PLCB1: variants seen among roughly 807,000 people sequenced by gnomAD.
PLCB1 encodes 1-phosphatidylinositol 4,5-bisphosphate phosphodiesterase beta-1.
In PLCB1, 46 loss-of-function variants were observed where a neutral mutation model predicts 161.8. The observed-to-expected ratio is 0.28, with a 90% confidence interval of 0.22 to 0.36. The LOEUF is 0.36. Among genes scored for constraint, PLCB1 ranks in the 10% least tolerant of loss-of-function variants. The pLI, the probability that PLCB1 is intolerant of heterozygous loss-of-function variation, is 1.00. For missense variants in PLCB1, 1,016 were observed against 1,472.5 expected (o/e 0.69, Z 5.07); for synonymous variants, 517 against 503.7 (o/e 1.03, Z -0.35).
chr20:8,779,371 A>T (rs1380906834), intron 27 of PLCB1, among the ~76,000 whole-genome samples: 1 of 152,134 alleles, frequency 6.6e-6, no homozygotes, highest in African/African-American at 2.4e-5. Context: ...GAAAAAATGG[A>T]TATGAAAGCA....
intron 27 of PLCB1, among the ~76,000 whole-genome samples, chr20:8,775,794 G>T (rs905995975): frequency 1.3e-5 from 2 of 152,116 alleles, no homozygotes; most frequent in Non-Finnish European, 2.9e-5. Flanking sequence ...CAGATCTCTC[G>T]TAGGGCTGGT....
At chr20:8,763,942 A>T (rs1982177200) in intron 25 of PLCB1, among the ~76,000 whole-genome samples, 1 of 152,030 alleles carries the variant, frequency 6.6e-6, no homozygotes, top group Non-Finnish European at 1.5e-5. Flanking sequence ...AGGAGGGCAG[A>T]TCACTTGAGG....
intron 9 of PLCB1, among the ~76,000 whole-genome samples, chr20:8,667,691 T>G (rs1989847082): frequency 6.6e-6 from 1 of 152,158 alleles, no homozygotes; most frequent in Non-Finnish European, 1.5e-5. Flanking sequence ...AGGAAAAATA[T>G]AAACAGTAAA....
chr20:8,471,739 A>G (rs1170998734), intron 3 of PLCB1, among the ~76,000 whole-genome samples: 1 of 152,150 alleles, frequency 6.6e-6, no homozygotes, highest in Non-Finnish European at 1.5e-5. Flanking sequence ...TAAATTTAAT[A>G]CATGCTGCTC....
chr20:8,447,699 T>C (rs1175039743), intron 3 of PLCB1, among the ~76,000 whole-genome samples: 1 of 152,196 alleles, frequency 6.6e-6, no homozygotes, highest in Non-Finnish European at 1.5e-5. Context: ...CCTAGAGCTG[T>C]CCAACAAGGA....
At chr20:8,596,004 C>A (rs1987333315) in intron 3 of PLCB1, among the ~76,000 whole-genome samples, 1 of 119,706 alleles carries the variant, frequency 8.4e-6, no homozygotes, top group Non-Finnish European at 1.9e-5. Flanking sequence ...GATATTAGCC[C>A]TGTGTCAGAT....
chr20:8,585,179 A>G (rs1199449072), intron 3 of PLCB1, among the ~76,000 whole-genome samples: 2 of 152,200 alleles, frequency 1.3e-5, no homozygotes, highest in East Asian at 1.9e-4. Context: ...TCTCAGTATT[A>G]TAGCTCTAGG....
chr20:8,498,302 G>T (rs866964800), intron 3 of PLCB1, among the ~76,000 whole-genome samples: 1 of 151,684 alleles, frequency 6.6e-6, no homozygotes, highest in Non-Finnish European at 1.5e-5. Context: ...TCACCATGTT[G>T]GCCAAGATGG....
intron 2 of PLCB1, among the ~76,000 whole-genome samples, chr20:8,150,768 C>G (rs1310257082): frequency 6.6e-6 from 1 of 152,146 alleles, no homozygotes; most frequent in Non-Finnish European, 1.5e-5. Flanking sequence ...TTTTCTTTCT[C>G]TCTCTTTTCC....
At chr20:8,215,900 A>G (rs1424654564) in intron 2 of PLCB1, among the ~76,000 whole-genome samples, 1 of 152,040 alleles carries the variant, frequency 6.6e-6, no homozygotes, top group Non-Finnish European at 1.5e-5. Context: ...CAGTACACAC[A>G]TCGTAAGAGA....
At chr20:8,276,926 T>TTTCTTCTTCCTCTTCTTCTTCTTC (rs1474129969) in intron 2 of PLCB1, among the ~76,000 whole-genome samples, 1 of 104,830 alleles carries the variant, frequency 9.5e-6, no homozygotes, top group African/African-American at 3.6e-5. Context: ...GTCTTCTTCT[T>TTTCTTCTTCCTCTTCTTCTTCTTC]TTCTTCTTCT....
intron 2 of PLCB1, among the ~76,000 whole-genome samples, chr20:8,278,222 G>C (rs1982672671): frequency 1.1e-5 from 1 of 87,720 alleles, no homozygotes; most frequent in Non-Finnish European, 2.2e-5. Context: ...AAATGTGTAT[G>C]ATACTGTTTT....
At chr20:8,291,966 A>G (rs1983403192) in intron 2 of PLCB1, among the ~76,000 whole-genome samples, 1 of 152,134 alleles carries the variant, frequency 6.6e-6, no homozygotes, top group South Asian at 2.1e-4. Context: ...TATCTGTGCT[A>G]TCTCTGGAAT....
intron 3 of PLCB1, among the ~76,000 whole-genome samples, chr20:8,404,805 G>A (rs553249879): frequency 6.6e-6 from 1 of 152,188 alleles, no homozygotes; most frequent in South Asian, 2.1e-4. Flanking sequence ...GAATATTTTG[G>A]AAGTATGGCT....
chr20:8,379,980 T>G (rs1987211612), intron 3 of PLCB1, among the ~76,000 whole-genome samples: 1 of 152,244 alleles, frequency 6.6e-6, no homozygotes, highest in Admixed American at 6.5e-5. Flanking sequence ...AGATCCCATT[T>G]GTCAAGCTTG....
In PLCB1 at chr20:8,570,345, A is replaced by G. The variant is rs535583168; in HGVS notation, c.247-57949A>G. 2.0e-5 allele frequency among the ~76,000 whole-genome samples: 3 copies of G among 152,272 alleles called. No homozygotes were observed. The East Asian group carries it at 5.8e-4, about 29-fold the overall frequency. Reference sequence around the variant, plus strand: ...GTGGCTTCCACCCAGTGAGGAAGGTAGAGAGTGGGTGAAGAGGAGACAATG... The same window carrying G: ...GTGGCTTCCACCCAGTGAGGAAGGTGGAGAGTGGGTGAAGAGGAGACAATG... On this transcript the variant is annotated intron_variant, in intron 3 of 31. Coordinates refer to ENST00000338037, the MANE Select transcript of PLCB1 (RefSeq NM_015192.4).
At chr20:8,252,397 G>A (rs1026500049) in intron 2 of PLCB1, among the ~76,000 whole-genome samples, 1 of 151,736 alleles carries the variant, frequency 6.6e-6, no homozygotes, top group African/African-American at 2.4e-5. Context: ...GCTGCTTAGG[G>A]TCACTAACAC....
intron 31 of PLCB1, among the ~76,000 whole-genome samples, chr20:8,834,142 G>A (rs1449108230): frequency 2.6e-5 from 4 of 152,180 alleles, no homozygotes; most frequent in African/African-American, 7.2e-5. Context: ...GAAGCCTGGG[G>A]AAGTGAGGGG....
Position 8,400,684 on chromosome 20 carries a change from G to A in PLCB1, c.246+29234G>A, listed in dbSNP as rs147927933. 6.7e-3 allele frequency among the ~76,000 whole-genome samples: 1,020 copies of A among 152,214 alleles called. 9 individuals carry two copies. Among genetic ancestry groups the A allele is most frequent in the African/African-American group, 0.022 (913 of 41,538 alleles). On this transcript the variant is annotated intron_variant, in intron 3 of 31. Coordinates refer to ENST00000338037, the MANE Select transcript of PLCB1 (RefSeq NM_015192.4). ...AGCAATTTGTTGCAGAAATTATGCC[G>A]TGTCAGCACAAATACAAGTCCTCAT...
Sources: allele counts gnomAD v4.1 joint callset (sites outside exome capture counted in the v4.1 genomes callset), GRCh38; gene constraint gnomAD v4.1.1; transcripts MANE v1.5; gene names NCBI Gene and HGNC (gene_info 2026-07-23, HGNC 2026-07-21).